The following DOK6 variants were observed in gnomAD, a reference collection of about 807,000 sequenced individuals.
DOK6 encodes the protein docking protein 6.
In DOK6, 22 loss-of-function variants were observed where a neutral mutation model predicts 44.0. That is an observed-to-expected ratio of 0.50 (90% CI 0.36 to 0.71). The LOEUF is 0.71. Ranked by LOEUF, DOK6 falls within the 30% of genes least tolerant of loss-of-function variation. DOK6 has a pLI of 0.00. For missense variants in DOK6, 340 were observed against 416.4 expected (o/e 0.82, Z 1.60); for synonymous variants, 166 against 145.5 (o/e 1.14, Z -1.01).
intron 1 of DOK6, among the ~76,000 whole-genome samples, chr18:69,489,876 A>G (rs1599155760): frequency 6.6e-6 from 1 of 152,110 alleles, no homozygotes; most frequent in Non-Finnish European, 1.5e-5. Context: ...TCTAAAATAC[A>G]TTAGGAAGAA....
rs373935197 is a variant in DOK6, at chr18:69,841,273, C to T, written c.886C>T (p.Arg296Cys). 14 of 1,614,092 alleles carry T rather than the reference C, an allele frequency of 8.7e-6. No individual in the cohort carries two copies. The highest frequency in any genetic ancestry group is 2.7e-5 in the African/African-American group (2 of 74,940). Residue 296 changes from arginine (R) to cysteine (C), a missense_variant, in exon 8 of 8, where the codon CGT becomes TGT. By Grantham distance (180) the Arg-to-Cys change is radical (BLOSUM62 -3). Transcript: ENST00000382713. ...GHGFGSSKMS[R>C]AQTFPSYAPE... The stretch of plus-strand genomic sequence containing the variant: ...TGGGTTTGGTTCGTCAAAGATGTCT[C>T]GTGCACAGACATTTCCCAGCTACGC...
At chr18:69,681,326 T>G (rs759636939) in intron 4 of DOK6, among the ~76,000 whole-genome samples, 3 of 152,238 alleles carry the variant, frequency 2.0e-5, no homozygotes, top group Non-Finnish European at 4.4e-5. Context: ...TGTGTTTTCC[T>G]GCCTCTTCAG....
chr18:69,504,200 T>C (rs75252895), intron 1 of DOK6, among the ~76,000 whole-genome samples: 3 of 152,084 alleles, frequency 2.0e-5, no homozygotes, highest in East Asian at 1.9e-4. Flanking sequence ...AGATAAGTCA[T>C]TTTAGAAATA....
At chr18:69,729,232 G>A (rs1334497086) in intron 5 of DOK6, among the ~76,000 whole-genome samples, 2 of 151,858 alleles carry the variant, frequency 1.3e-5, no homozygotes, top group East Asian at 3.9e-4. Context: ...ACTAAATACA[G>A]GTCAATTCCC....
intron 7 of DOK6, among the ~76,000 whole-genome samples, chr18:69,776,292 T>C (rs74478379): frequency 0.036 from 5,542 of 152,008 alleles, 269 homozygotes; most frequent in African/African-American, 0.11. Context: ...CATCTTAACG[T>C]GTATAAAATA....
intron 2 of DOK6, 105 bp from the exon 3 acceptor site, chr18:69,599,279 C>A: frequency 1.3e-6 from 1 of 796,600 alleles, no homozygotes. Flanking sequence ...TACAAATATC[C>A]CGTGGAAATT....
chr18:69,424,608 AATTT>A (rs1978585153), intron 1 of DOK6, among the ~76,000 whole-genome samples: 2 of 145,820 alleles, frequency 1.4e-5, no homozygotes, highest in South Asian at 4.3e-4. Flanking sequence ...AATAAAATCA[AATTT>A]ATTCTCTTTG....
intron 1 of DOK6, among the ~76,000 whole-genome samples, chr18:69,406,549 G>A (rs1234654463): frequency 6.6e-6 from 1 of 152,208 alleles, no homozygotes; most frequent in Admixed American, 6.5e-5. Flanking sequence ...TAGATTTACA[G>A]ATGACTGCTG....
In DOK6 at chr18:69,596,726, C is replaced by T. The variant is rs542170751; in HGVS notation, c.175-2658C>T. Among the ~76,000 whole-genome samples, 160 of 152,138 alleles carry T rather than the reference C, an allele frequency of 1.1e-3. 2 individuals are homozygous for T. Among genetic ancestry groups the T allele is most frequent in the African/African-American group, 3.8e-3 (158 of 41,506 alleles). ...AAATAGTAAGTGATCCCAGTCCAACCGTAACAAAAAACAGTATCAGTAAGG... is the reference window on the plus strand; with the variant it reads ...AAATAGTAAGTGATCCCAGTCCAACTGTAACAAAAAACAGTATCAGTAAGG... On this transcript the variant is annotated intron_variant, in intron 2 of 7. Coordinates refer to ENST00000382713, the MANE Select transcript of DOK6 (RefSeq NM_152721.6).
chr18:69,495,527 G>T (rs915199664), intron 1 of DOK6, among the ~76,000 whole-genome samples: 5 of 152,126 alleles, frequency 3.3e-5, no homozygotes, highest in African/African-American at 1.2e-4. Context: ...CTGAGCCTGG[G>T]GCTTCTATAG....
At chr18:69,635,016 T>C (rs1185130627) in intron 3 of DOK6, among the ~76,000 whole-genome samples, 1 of 152,232 alleles carries the variant, frequency 6.6e-6, no homozygotes, top group African/African-American at 2.4e-5. Context: ...CAGGCACACC[T>C]GTTTCTTATG....
chr18:69,519,132 T>C (rs1028972887), intron 1 of DOK6, among the ~76,000 whole-genome samples: 2 of 152,068 alleles, frequency 1.3e-5, no homozygotes, highest in Non-Finnish European at 2.9e-5. Flanking sequence ...ATATTACTCA[T>C]TTTTTGGCTC....
At chr18:69,593,231 G>A (rs114379756) in intron 2 of DOK6, among the ~76,000 whole-genome samples, 1 of 151,890 alleles carries the variant, frequency 6.6e-6, no homozygotes, top group Non-Finnish European at 1.5e-5. Context: ...AATTAGTTGG[G>A]CATGGTGGCA....
chr18:69,658,717 T>C (rs1985433481), intron 3 of DOK6, among the ~76,000 whole-genome samples: 1 of 152,318 alleles, frequency 6.6e-6, no homozygotes, highest in Admixed American at 6.5e-5. Context: ...TTCTGCTGTC[T>C]TTTTCTCAGT....
At chr18:69,414,633 CT>C (rs1218610164) in intron 1 of DOK6, among the ~76,000 whole-genome samples, 2 of 151,864 alleles carry the variant, frequency 1.3e-5, no homozygotes, top group Admixed American at 6.6e-5. Context: ...ATGGGGAATC[CT>C]TTTGATGGTT....
At chr18:69,536,658 T>C (rs1485159361) in intron 1 of DOK6, among the ~76,000 whole-genome samples, 2 of 152,176 alleles carry the variant, frequency 1.3e-5, no homozygotes, top group Non-Finnish European at 2.9e-5. Context: ...TTAATAAAAA[T>C]TGTTACATAT....
chr18:69,620,696 G>T (rs1167246812), intron 3 of DOK6, among the ~76,000 whole-genome samples: 2 of 152,072 alleles, frequency 1.3e-5, no homozygotes, highest in Non-Finnish European at 2.9e-5. Flanking sequence ...TAATAAATAT[G>T]ATTATATGTC....
At chr18:69,576,570 A>T (rs1983243988) in intron 2 of DOK6, among the ~76,000 whole-genome samples, 1 of 152,156 alleles carries the variant, frequency 6.6e-6, no homozygotes, top group Non-Finnish European at 1.5e-5. Context: ...TAATGGTCTC[A>T]TTTAGACATT....
At chr18:69,702,096 C>T (rs887184966) in intron 5 of DOK6, among the ~76,000 whole-genome samples, 9 of 145,906 alleles carry the variant, frequency 6.2e-5, no homozygotes, top group Non-Finnish European at 1.2e-4. Flanking sequence ...TCCAACATTT[C>T]TGTACTAACC....
Sources: gnomAD v4.1 joint callset for allele counts (sites outside exome capture counted in the v4.1 genomes callset) on GRCh38, gnomAD v4.1.1 for gene constraint, MANE v1.5 for transcripts, NCBI Gene and HGNC (gene_info 2026-07-23, HGNC 2026-07-21) for gene names.